FBXO34: variants seen among roughly 807,000 people sequenced by gnomAD.
The protein encoded by FBXO34 is F-box only protein 34.
A neutral mutation model predicts 24.5 loss-of-function variants in FBXO34; 12 were observed. The ratio of observed to expected loss-of-function variants is 0.49; its 90% confidence interval spans 0.31 to 0.79. The LOEUF is 0.79. Among genes scored for constraint, FBXO34 ranks in the 30% least tolerant of loss-of-function variants. The pLI is 0.04. For synonymous variants in FBXO34, 320 were observed against 311.9 expected, an observed-to-expected ratio of 1.03 and a Z score of -0.27; for missense variants, 823 against 857.7, an observed-to-expected ratio of 0.96 and a Z score of 0.51.
At chr14:55,411,837 A>G in the FBXO34 span, 1 of 1,570,348 alleles carries the variant, frequency 6.4e-7, no homozygotes, top group Non-Finnish European at 8.6e-7. Flanking sequence ...GCCTGAGAGG[A>G]GAGCCAGTCA....
At chr14:55,283,481 T>C (rs1190589965) in intron 1 of FBXO34, among the ~76,000 whole-genome samples, 2 of 151,506 alleles carry the variant, frequency 1.3e-5, no homozygotes, top group African/African-American at 4.8e-5. Flanking sequence ...TTTTTTTTTT[T>C]TTTGAGACAG....
chr14:55,310,724 G>A lies in FBXO34; in HGVS notation c.-11+39187G>A, dbSNP rs375543341. Among the ~76,000 whole-genome samples, 39 of 152,246 alleles carry A rather than the reference G, an allele frequency of 2.6e-4. No homozygotes were observed. In the East Asian group the frequency reaches 6.4e-3, roughly 25 times the overall value. ...CATACAAATCGAATCACTCTTAAGG[G>A]AGTAAGTGAAAACATGTGTATCTGC... On this transcript the variant is annotated intron_variant, in intron 1 of 1. Coordinates refer to ENST00000313833, the MANE Select transcript of FBXO34 (RefSeq NM_017943.4).
At chr14:55,394,469 A>T in the FBXO34 span, among the ~76,000 whole-genome samples, 2 of 152,226 alleles carry the variant, frequency 1.3e-5, no homozygotes, top group Non-Finnish European at 2.9e-5. Context: ...AAAATCTGGA[A>T]GCAAACTTTC....
downstream of FBXO34, among the ~76,000 whole-genome samples, chr14:55,356,426 TG>T (rs1433828088): frequency 6.6e-6 from 1 of 152,114 alleles, no homozygotes; most frequent in African/African-American, 2.4e-5. Context: ...GTCTGACACT[TG>T]GGGAATCTGA....
At chr14:55,387,104 G>C in the FBXO34 span, among the ~76,000 whole-genome samples, 1 of 151,836 alleles carries the variant, frequency 6.6e-6, no homozygotes, top group Non-Finnish European at 1.5e-5. Flanking sequence ...AACACGGCTC[G>C]ACTCCACGCC....
chr14:55,344,903 T>G (rs1693042102), intron 1 of FBXO34, among the ~76,000 whole-genome samples: 1 of 152,192 alleles, frequency 6.6e-6, no homozygotes, highest in African/African-American at 2.4e-5. Context: ...ATAACATTTG[T>G]TGTAATTGTC....
the FBXO34 span, chr14:55,381,979 T>A: frequency 1.9e-6 from 3 of 1,614,154 alleles, no homozygotes; most frequent in Non-Finnish European, 2.5e-6. Context: ...CTGGGTTGTT[T>A]TCTTCTCCTC....
chr14:55,440,377 A>G, the FBXO34 span: 3 of 1,612,798 alleles, frequency 1.9e-6, no homozygotes, highest in Non-Finnish European at 8.5e-7. Context: ...TGACTCTGGG[A>G]CAGTGGCGGC....
At chr14:55,381,991 A>C in the FBXO34 span, 1 of 1,614,080 alleles carries the variant, frequency 6.2e-7, no homozygotes, top group Non-Finnish European at 8.5e-7. Context: ...CTTCTCCTCC[A>C]CCCAGCTGTA....
intron 1 of FBXO34, among the ~76,000 whole-genome samples, chr14:55,313,458 G>A (rs1882817689): frequency 6.6e-6 from 1 of 152,102 alleles, no homozygotes; most frequent in African/African-American, 2.4e-5. Flanking sequence ...TTCCAAAATT[G>A]CTTCCACATT....
At position 55,351,820 on chromosome 14, in the gene FBXO34, C is replaced by T. The variant is rs34816225; in HGVS notation, c.1430C>T (p.Pro477Leu). ...QPSILNSCED[P>L]VPGMLFFLPP... ...TCCATTTTAAACTCCTGTGAAGACC[C>T]AGTTCCAGGGATGTTGTTTTTTTTG... Residue 477 changes from proline (P) to leucine (L), a missense_variant, in exon 2 of 2, where the codon CCA (proline) becomes CTA (leucine). Around this residue, in one of 2 missense-constraint regions of FBXO34, gnomAD observed 693 missense variants for 659.1 expected, o/e 1.05. Transcript: ENST00000313833. The T allele has an allele frequency of 1.1e-5, 18 of 1,614,018 alleles. 1 individual carries two copies. The Middle Eastern group carries it at 6.6e-4, about 59-fold the overall frequency.
chr14:55,379,039 A>G, the FBXO34 span, among the ~76,000 whole-genome samples: 1 of 152,132 alleles, frequency 6.6e-6, no homozygotes, highest in East Asian at 1.9e-4. Context: ...CGTTCTCCAC[A>G]GCACTTACTG....
intron 1 of FBXO34, among the ~76,000 whole-genome samples, chr14:55,332,433 G>GCTAT (rs1415673777): frequency 1.3e-5 from 2 of 152,154 alleles, no homozygotes; most frequent in African/African-American, 2.4e-5. Context: ...GAGGTCTGGA[G>GCTAT]CTATCACCTC....
chr14:55,320,367 G>A (rs912007114), intron 1 of FBXO34, among the ~76,000 whole-genome samples: 1 of 152,204 alleles, frequency 6.6e-6, no homozygotes, highest in African/African-American at 2.4e-5. Context: ...GTGGTTAGCT[G>A]CCCAAAGCTA....
the FBXO34 span, among the ~76,000 whole-genome samples, chr14:55,380,179 T>A: frequency 4.6e-5 from 7 of 152,038 alleles, no homozygotes; most frequent in Middle Eastern, 3.2e-3. Flanking sequence ...AACTGTGAGG[T>A]GGAGGTTGCA....
At chr14:55,438,451 G>A in the FBXO34 span, among the ~76,000 whole-genome samples, 1 of 151,976 alleles carries the variant, frequency 6.6e-6, no homozygotes, top group South Asian at 2.1e-4. Flanking sequence ...GGGGACAATG[G>A]GCCCCAATTC....
At chr14:55,373,616 C>G (rs1486087492), downstream of FBXO34, among the ~76,000 whole-genome samples, 1 of 152,078 alleles carries the variant, frequency 6.6e-6, no homozygotes, top group Non-Finnish European at 1.5e-5. Flanking sequence ...CCCGCCACCA[C>G]GCCCAGATAA....
chr14:55,319,882 A>AC (rs1457622752), intron 1 of FBXO34, among the ~76,000 whole-genome samples: 1 of 152,052 alleles, frequency 6.6e-6, no homozygotes, highest in Admixed American at 6.6e-5. Flanking sequence ...TCACCGTGTT[A>AC]GCCAGGATGG....
chr14:55,274,569 C>T (rs13379169), intron 1 of FBXO34, among the ~76,000 whole-genome samples: 84,846 of 152,050 alleles, frequency 0.56, 26,701 homozygotes, highest in African/African-American at 0.87. Flanking sequence ...AACAGTCATT[C>T]GTTATCCATC....
Sources: allele counts gnomAD v4.1 joint callset (sites outside exome capture counted in the v4.1 genomes callset), GRCh38; gene constraint gnomAD v4.1.1; regional missense constraint gnomAD v4.1.1; transcripts MANE v1.5; gene names NCBI Gene and HGNC (gene_info 2026-07-23, HGNC 2026-07-21).